CEP128: variants seen among roughly 807,000 people sequenced by gnomAD.
CEP128 encodes the protein centrosomal protein 128.
Under a neutral mutation model 156.7 loss-of-function variants are expected in CEP128, and 132 were observed. The ratio of observed to expected loss-of-function variants is 0.84; its 90% CI spans 0.73 to 0.97. The LOEUF is 0.97. Ranked by LOEUF, CEP128 falls within the 50% of genes least tolerant of loss-of-function variation. CEP128 has a pLI of 0.00. For missense variants in CEP128, 1,252 were observed against 1,281.9 expected (o/e 0.98, Z 0.36); for synonymous variants, 469 against 448.9 (o/e 1.04, Z -0.57).
intron 14 of CEP128, among the ~76,000 whole-genome samples, chr14:80,481,732 G>T (rs950917498): frequency 4.6e-5 from 7 of 152,168 alleles, no homozygotes; most frequent in African/African-American, 1.7e-4. Context: ...GATTTCTCTG[G>T]ACCTAACACT....
chr14:80,883,152 A>C (rs575991048), intron 8 of CEP128, among the ~76,000 whole-genome samples: 1 of 152,158 alleles, frequency 6.6e-6, no homozygotes, highest in Non-Finnish European at 1.5e-5. Flanking sequence ...AAAACATCTC[A>C]TGTACCTGTA....
chr14:80,526,160 G>T (rs577112923), intron 23 of CEP128, among the ~76,000 whole-genome samples: 25 of 152,210 alleles, frequency 1.6e-4, no homozygotes, highest in African/African-American at 6.0e-4. Context: ...GGCATCTAGT[G>T]CGTACATTTT....
At chr14:80,517,570 G>A (rs1219130685) in intron 23 of CEP128, among the ~76,000 whole-genome samples, 5 of 152,096 alleles carry the variant, frequency 3.3e-5, no homozygotes, top group African/African-American at 1.2e-4. Flanking sequence ...ATTTCATTCT[G>A]TTGTGGATAG....
At chr14:80,804,571 T>C (rs1037366017) in intron 13 of CEP128, among the ~76,000 whole-genome samples, 11 of 152,074 alleles carry the variant, frequency 7.2e-5, no homozygotes, top group East Asian at 3.8e-4. Flanking sequence ...AATGAAAATA[T>C]TGAATGAATA....
chr14:80,743,019 G>A, intron 19 of CEP128, 56 bp downstream of exon 19: 1 of 1,499,334 alleles, frequency 6.7e-7, no homozygotes, highest in Non-Finnish European at 9.2e-7. Context: ...TCCAATCCTA[G>A]GATTAGGATT....
In CEP128 at chr14:80,830,319, T is replaced by A. The variant is rs142587498; in HGVS notation, c.1209+824A>T. On this transcript the variant is annotated intron_variant, in intron 13 of 24. Coordinates refer to ENST00000555265, the MANE Select transcript of CEP128 (RefSeq NM_152446.5). ...GAAAGAGAAACACAGATGAGTAACA[T>A]TAAATATTTCCTTTGGGTTATATAA... 1,436 of 518,766 alleles carry A rather than the reference T, an allele frequency of 2.8e-3. 19 individuals are homozygous for A. The highest frequency in any genetic ancestry group is 0.024 in the African/African-American group (1,244 of 51,454). 32.1% of individuals were successfully genotyped at this position (518,766 alleles called of 1,614,324 possible).
At chr14:80,720,716 TA>T (rs1179731552) in intron 19 of CEP128, among the ~76,000 whole-genome samples, 1 of 152,066 alleles carries the variant, frequency 6.6e-6, no homozygotes, top group Admixed American at 6.6e-5. Context: ...TTTTGAAAAA[TA>T]AAAAACTAGA....
intron 21 of CEP128, among the ~76,000 whole-genome samples, chr14:80,540,289 C>A (rs756078669): frequency 1.3e-5 from 2 of 150,532 alleles, no homozygotes; most frequent in African/African-American, 2.4e-5. Context: ...TCACCCCTGG[C>A]GGCCCAGCTG....
In CEP128 at chr14:80,720,441, C is replaced by T. The variant is rs146028753; in HGVS notation, c.2806+22634G>A. Among the ~76,000 whole-genome samples the T allele has an allele frequency of 3.4e-3, 525 of 152,188 alleles. 3 individuals carry two copies. The highest frequency in any genetic ancestry group is 5.8e-3 in the Non-Finnish European group (396 of 68,000). ...TGGATAAGGAGATATTGTGTCATTC[C>T]CTGCATTCCCAGCCAAGCCACATTC... On this transcript the variant is annotated intron_variant, in intron 19 of 24. Coordinates refer to ENST00000555265, the MANE Select transcript of CEP128 (RefSeq NM_152446.5).
chr14:80,790,455 C>T (rs891871544), intron 14 of CEP128, among the ~76,000 whole-genome samples: 1 of 152,054 alleles, frequency 6.6e-6, no homozygotes, highest in African/African-American at 2.4e-5. Flanking sequence ...TTATTTGTAT[C>T]TATAAAGTTT....
chr14:80,599,571 G>A (rs571059824), intron 19 of CEP128, among the ~76,000 whole-genome samples: 147 of 151,740 alleles, frequency 9.7e-4, no homozygotes, highest in African/African-American at 3.2e-3. Context: ...CACTGCGCCC[G>A]GCTGAGTCAT....
At chr14:80,488,944 T>G (rs183944090), downstream of CEP128, among the ~76,000 whole-genome samples, 1,463 of 122,964 alleles carry the variant, frequency 0.012, 20 homozygotes, top group Middle Eastern at 0.089. Flanking sequence ...TGAGAACACA[T>G]GGACACAGGA....
chr14:80,791,469 TA>T (rs926209917), intron 14 of CEP128, among the ~76,000 whole-genome samples: 10 of 152,232 alleles, frequency 6.6e-5, no homozygotes, highest in African/African-American at 2.4e-4. Flanking sequence ...TGGACCCTTC[TA>T]AATCTCTTCT....
chr14:80,692,853 G>C lies in CEP128; in HGVS notation c.2806+50222C>G, dbSNP rs115828261. ...GAAAGTTTGTTCATGTGGTGCTGTAGAATTCCCCTGAATCTGTTTTACACA... is the reference window on the plus strand; with the variant it reads ...GAAAGTTTGTTCATGTGGTGCTGTACAATTCCCCTGAATCTGTTTTACACA... On this transcript the variant is annotated intron_variant, in intron 19 of 24. Transcript: ENST00000555265. Among the ~76,000 whole-genome samples the C allele has an allele frequency of 9.8e-3, 1,492 of 152,238 alleles. 33 individuals are homozygous for C. Among genetic ancestry groups the C allele is most frequent in the African/African-American group, 0.034 (1,418 of 41,536 alleles).
At chr14:80,801,411 C>T (rs922737308) in intron 13 of CEP128, among the ~76,000 whole-genome samples, 2 of 151,810 alleles carry the variant, frequency 1.3e-5, no homozygotes, top group Admixed American at 6.6e-5. Flanking sequence ...GACATACGTC[C>T]CATCAATACC....
chr14:80,883,271 G>A (rs1242909017), intron 8 of CEP128, among the ~76,000 whole-genome samples: 2 of 151,568 alleles, frequency 1.3e-5, no homozygotes, highest in Non-Finnish European at 2.9e-5. Context: ...AAAATAAAGG[G>A]CATCCAAATT....
chr14:80,720,480 C>CT (rs1897775602), intron 19 of CEP128, among the ~76,000 whole-genome samples: 1 of 152,186 alleles, frequency 6.6e-6, no homozygotes, highest in Non-Finnish European at 1.5e-5. Context: ...AAAGAAATCT[C>CT]TTCATTGTCT....
intron 19 of CEP128, among the ~76,000 whole-genome samples, chr14:80,618,327 A>G (rs918821858): frequency 6.6e-6 from 1 of 152,236 alleles, no homozygotes; most frequent in Non-Finnish European, 1.5e-5. Flanking sequence ...TCTTGATCTT[A>G]TTTTCGAATT....
chr14:80,583,432 T>G (rs1891672614), intron 19 of CEP128, among the ~76,000 whole-genome samples: 1 of 152,122 alleles, frequency 6.6e-6, no homozygotes, highest in African/African-American at 2.4e-5. Flanking sequence ...AACTAACCTT[T>G]CCTGCTGCAG....
Sources: allele counts gnomAD v4.1 joint callset (sites outside exome capture counted in the v4.1 genomes callset), GRCh38; gene constraint gnomAD v4.1.1; transcripts MANE v1.5; gene names NCBI Gene and HGNC (gene_info 2026-07-23, HGNC 2026-07-21).